TMPRSS13: variants seen among roughly 807,000 people sequenced by gnomAD.
TMPRSS13 encodes the protein transmembrane serine protease 13, also known as transmembrane protease serine 13.
A neutral mutation model predicts 68.4 loss-of-function variants in TMPRSS13; 50 were observed. The observed-to-expected ratio is 0.73, with a 90% CI of 0.58 to 0.93. The LOEUF (loss-of-function observed/expected upper bound fraction) is 0.93. Ranked by LOEUF, TMPRSS13 falls within the 40% of genes least tolerant of loss-of-function variation. The pLI is 0.00. For synonymous variants in TMPRSS13, 267 were observed against 285.8 expected, an observed-to-expected ratio of 0.93 and a Z score of 0.66; for missense variants, 615 against 729.2, an observed-to-expected ratio of 0.84 and a Z score of 1.80.
intron 1 of TMPRSS13, among the ~76,000 whole-genome samples, chr11:117,921,722 C>G (rs2057650762): frequency 6.6e-6 from 1 of 152,164 alleles, no homozygotes; most frequent in South Asian, 2.1e-4. Context: ...TAGCTCTGGT[C>G]TGGGTAGAGC....
rs1328594670 is a variant in TMPRSS13, at chr11:117,922,837, G to C, written c.22-3999C>G. Among the ~76,000 whole-genome samples, 1 of 152,200 alleles carries C rather than the reference G, an allele frequency of 6.6e-6. No individual in the cohort carries two copies. The highest frequency in any genetic ancestry group is 2.4e-5 in the African/African-American group (1 of 41,442). On this transcript the variant is annotated intron_variant, in intron 1 of 12. Transcript: ENST00000524993. The surrounding 1 kb of genome is among the most constrained non-coding windows in gnomAD (Gnocchi z 4.2). The stretch of plus-strand genomic sequence containing the variant: ...CCCACCTACCCGTGGGGTAGTCTCT[G>C]AGGTTACCCCCTGCAGTAACACAAT...
intron 7 of TMPRSS13, among the ~76,000 whole-genome samples, 184 bp from the exon 8 acceptor site, chr11:117,910,152 G>A (rs2057507385): frequency 6.6e-6 from 1 of 152,204 alleles, no homozygotes; most frequent in African/African-American, 2.4e-5. Flanking sequence ...AGCAGTTTCT[G>A]TGAGAGCAGA....
Position 117,918,823 on chromosome 11 carries a change from T to C in TMPRSS13, c.37A>G (p.Arg13Gly). 6.2e-7 allele frequency: 1 copy of C among 1,613,724 alleles called. No individual in the cohort carries two copies. Among genetic ancestry groups the C allele is most frequent in the Non-Finnish European group, 8.5e-7 (1 of 1,179,818 alleles). ...RDSHGNASPA[R>G]TPSAGASPAQ... is the part of the protein sequence containing the mutation. ...GGAGATGCTCCAGCTGAAGGTGTTC[T>C]TGCTGGAGATGCATTCTGAAAGCAG... The change falls in exon 2 of 13, where the codon AGA becomes GGA. Residue 13 changes from arginine to glycine, a missense_variant. Coordinates refer to ENST00000524993, the MANE Select transcript of TMPRSS13 (RefSeq NM_001077263.3).
chr11:117,924,460 G>A (rs1340853007), intron 1 of TMPRSS13, among the ~76,000 whole-genome samples: 1 of 152,166 alleles, frequency 6.6e-6, no homozygotes, highest in Admixed American at 6.5e-5. Context: ...GGCATCAAGG[G>A]CGCCCATAGG....
Position 117,915,376 on chromosome 11 carries a change from C to T in TMPRSS13, c.557-862G>A, listed in dbSNP as rs1306645165. Reference sequence around the variant, plus strand: ...CACCCCTTGCTTCTCCTCCGGGGCCCACTGTGCTCTCCATCACCCAGGGTA... The same window carrying T: ...CACCCCTTGCTTCTCCTCCGGGGCCTACTGTGCTCTCCATCACCCAGGGTA... On this transcript the variant is annotated intron_variant, in intron 3 of 12. Coordinates refer to ENST00000524993, the MANE Select transcript of TMPRSS13 (RefSeq NM_001077263.3). This position sits in a 1 kb window ranked among gnomAD's most constrained non-coding sequence, Gnocchi z 4.9. Among the ~76,000 whole-genome samples, 2 of 152,204 alleles carry T rather than the reference C, an allele frequency of 1.3e-5. No individual in the cohort carries two copies. The highest frequency in any genetic ancestry group is 3.8e-4 in the East Asian group (2 of 5,196).
intron 9 of TMPRSS13, chr11:117,908,104 A>T: frequency 9.6e-7 from 1 of 1,037,292 alleles, no homozygotes; most frequent in Non-Finnish European, 1.2e-6. Flanking sequence ...TGGGGAGAGC[A>T]CTGCTTGGGA....
intron 1 of TMPRSS13, 101 bp from the exon 2 acceptor site, chr11:117,918,939 C>A: frequency 2.0e-6 from 3 of 1,512,034 alleles, no homozygotes; most frequent in Non-Finnish European, 2.7e-6. Context: ...GGGGCAGCAG[C>A]TAGGGGTTGA....
chr11:117,923,322 T>C (rs537401377), intron 1 of TMPRSS13, among the ~76,000 whole-genome samples: 1 of 152,348 alleles, frequency 6.6e-6, no homozygotes, highest in African/African-American at 2.4e-5. Context: ...TTGCAGACTC[T>C]GCCCCTTGGG....
chr11:117,911,900 G>A, intron 5 of TMPRSS13, 40 bp from the exon 6 acceptor site: 2 of 1,554,474 alleles, frequency 1.3e-6, no homozygotes, highest in African/African-American at 2.7e-5. Flanking sequence ...GCCCCCTGGA[G>A]ACAGAGTCAT....
intron 1 of TMPRSS13, among the ~76,000 whole-genome samples, chr11:117,926,125 G>T (rs994676508): frequency 1.2e-4 from 18 of 147,966 alleles, no homozygotes; most frequent in African/African-American, 4.3e-4. Flanking sequence ...CAGAGGCATA[G>T]GGCAGGTGCC....
chr11:117,928,850 G>A (rs2057732227), intron 1 of TMPRSS13, among the ~76,000 whole-genome samples: 1 of 152,196 alleles, frequency 6.6e-6, no homozygotes. Flanking sequence ...GAAGGTTTAG[G>A]AGTGTAGTGA....
At chr11:117,918,872 C>T in intron 1 of TMPRSS13, 34 bp from the exon 2 acceptor site, 1 of 1,608,102 alleles carries the variant, frequency 6.2e-7, no homozygotes, top group South Asian at 1.1e-5. Flanking sequence ...CCACAGGCTG[C>T]TCCCCTGCCA....
chr11:117,913,527 C>A (rs892785154), intron 5 of TMPRSS13, among the ~76,000 whole-genome samples: 1 of 152,102 alleles, frequency 6.6e-6, no homozygotes, highest in Non-Finnish European at 1.5e-5. Context: ...TGCAAAGAAC[C>A]ATCTAGGAGT....
chr11:117,921,051 C>T lies in TMPRSS13; in HGVS notation c.22-2213G>A, dbSNP rs934405061. On this transcript the variant is annotated intron_variant, in intron 1 of 12. Coordinates refer to ENST00000524993, the MANE Select transcript of TMPRSS13 (RefSeq NM_001077263.3). ...AGCCCACGAGCACTTTACGGGACCC[C>T]ATTCCAACCTCTTGACAGCTCTTTG... is the stretch of plus-strand genomic sequence containing the variant. Among the ~76,000 whole-genome samples, 10 of 152,262 alleles carry T rather than the reference C, an allele frequency of 6.6e-5. 1 individual carries two copies. The highest frequency in any genetic ancestry group is 1.4e-4 in the African/African-American group (6 of 41,548).
At position 117,925,812 on chromosome 11, in the gene TMPRSS13, C is replaced by A. The variant is rs534398632; in HGVS notation, c.21+3475G>T. On this transcript the variant is annotated intron_variant, in intron 1 of 12. Coordinates refer to ENST00000524993, the MANE Select transcript of TMPRSS13 (RefSeq NM_001077263.3). Reference sequence around the variant, plus strand: ...CACTTAAGCTAAGTGGCCATTGTTACATCAGTTGTCCTTCCCACCCAGCTC... The same window carrying A: ...CACTTAAGCTAAGTGGCCATTGTTAAATCAGTTGTCCTTCCCACCCAGCTC... Among the ~76,000 whole-genome samples, 27 of 152,382 alleles carry A rather than the reference C, an allele frequency of 1.8e-4. No homozygotes were observed. The South Asian group carries it at 5.4e-3, about 30-fold the overall frequency.
In TMPRSS13 at chr11:117,915,984, C is replaced by T. The variant is rs2057574174; in HGVS notation, c.556+1186G>A. ...AGGCTCAGAATGTTAATGGACTTGTCGAATTCACACAGCCTGTCGGTGGCA... is the reference window on the plus strand; with the variant it reads ...AGGCTCAGAATGTTAATGGACTTGTTGAATTCACACAGCCTGTCGGTGGCA... On this transcript the variant is annotated intron_variant, in intron 3 of 12. Transcript: ENST00000524993. The surrounding 1 kb of genome is among the most constrained non-coding windows in gnomAD (Gnocchi z 4.9). Among the ~76,000 whole-genome samples, 1 of 152,112 alleles carries T rather than the reference C, an allele frequency of 6.6e-6. No individual in the cohort carries two copies. Among genetic ancestry groups the T allele is most frequent in the Non-Finnish European group, 1.5e-5 (1 of 68,010 alleles).
At chr11:117,927,131 C>T (rs2057715169) in intron 1 of TMPRSS13, among the ~76,000 whole-genome samples, 1 of 151,264 alleles carries the variant, frequency 6.6e-6, no homozygotes, top group African/African-American at 2.5e-5. Flanking sequence ...GCCAACTGTT[C>T]AAACAGTGTT....
chr11:117,926,150 ACGAGG>A (rs1227190693), intron 1 of TMPRSS13, among the ~76,000 whole-genome samples: 8 of 140,118 alleles, frequency 5.7e-5, no homozygotes, highest in African/African-American at 2.2e-4. Context: ...TCCTTGGAGG[ACGAGG>A]TGAGGGCTAC....
chr11:117,902,287 G>A, intron 12 of TMPRSS13, 22 bp from the exon 13 acceptor site: 2 of 1,613,470 alleles, frequency 1.2e-6, no homozygotes, highest in Non-Finnish European at 8.5e-7. Flanking sequence ...AATGGGAGAA[G>A]AGGGTGAGGG....
Sources: allele counts gnomAD v4.1 joint callset (sites outside exome capture counted in the v4.1 genomes callset), GRCh38; gene constraint gnomAD v4.1.1; non-coding constraint Gnocchi (gnomAD v3.1); transcripts MANE v1.5; gene names NCBI Gene and HGNC (gene_info 2026-07-23, HGNC 2026-07-21).